The following SEM1 variants were observed in gnomAD, a reference collection of about 807,000 sequenced individuals.
SEM1 encodes SEM1 26S proteasome subunit.
Under a neutral mutation model 12.7 loss-of-function variants are expected in SEM1, and 3 were observed. The observed-to-expected ratio is 0.24, with a 90% CI of 0.11 to 0.61. The LOEUF (loss-of-function observed/expected upper bound fraction) is 0.61. Among genes scored for constraint, SEM1 ranks in the 20% least tolerant of loss-of-function variants. SEM1 has a pLI of 0.88. For synonymous variants in SEM1, 30 were observed against 27.8 expected (o/e 1.08, Z -0.25); for missense variants, 59 against 81.3 (o/e 0.73, Z 1.06).
At chr7:96,594,426 T>A (rs1806933951) in intron 2 of SEM1, among the ~76,000 whole-genome samples, 1 of 152,078 alleles carries the variant, frequency 6.6e-6, no homozygotes, top group Non-Finnish European at 1.5e-5. Context: ...AAAATTAGCT[T>A]GAAGCTCCTG....
At chr7:96,684,702 G>T (rs1302075051), downstream of SEM1, among the ~76,000 whole-genome samples, 32 of 152,092 alleles carry the variant, frequency 2.1e-4, 1 homozygote, top group Admixed American at 2.1e-3. Context: ...CTGGAGGAAA[G>T]ATCAGGTTTG....
intron 2 of SEM1, among the ~76,000 whole-genome samples, chr7:96,579,881 T>A (rs1806328478): frequency 6.6e-6 from 1 of 152,144 alleles, no homozygotes; most frequent in East Asian, 1.9e-4. Flanking sequence ...CTCTGTATTA[T>A]CTCTGCAACT....
chr7:96,636,682 A>G (rs1808437758), intron 2 of SEM1, among the ~76,000 whole-genome samples: 1 of 152,096 alleles, frequency 6.6e-6, no homozygotes, highest in Non-Finnish European at 1.5e-5. Context: ...TCTTGTGTCC[A>G]GTGCTCAAGT....
chr7:96,558,956 T>C (rs762488057), intron 2 of SEM1, among the ~76,000 whole-genome samples: 1 of 152,212 alleles, frequency 6.6e-6, no homozygotes, highest in Non-Finnish European at 1.5e-5. Flanking sequence ...ATATGTTAAA[T>C]GGATATAATA....
intron 2 of SEM1, among the ~76,000 whole-genome samples, chr7:96,526,748 A>G (rs1804476007): frequency 6.6e-6 from 1 of 152,046 alleles, no homozygotes; most frequent in African/African-American, 2.4e-5. Context: ...TTCTCCTTTC[A>G]GAGGGTGGCT....
exon 3 of SEM1, chr7:96,673,764 C>G: frequency 1.3e-6 from 1 of 765,282 alleles, no homozygotes; most frequent in Non-Finnish European, 2.4e-6. Flanking sequence ...GATCTGTTAA[C>G]AGCAGAGGAA....
chr7:96,577,993 G>T (rs1330443592), intron 2 of SEM1, among the ~76,000 whole-genome samples: 1 of 151,954 alleles, frequency 6.6e-6, no homozygotes, highest in African/African-American at 2.4e-5. Flanking sequence ...TTATTAAGAA[G>T]TAAAAGACTA....
At chr7:96,624,219 G>T (rs1807987692) in intron 2 of SEM1, among the ~76,000 whole-genome samples, 1 of 152,084 alleles carries the variant, frequency 6.6e-6, no homozygotes, top group African/African-American at 2.4e-5. Flanking sequence ...ACTTTTACGT[G>T]ACTCAATAAA....
chr7:96,642,124 C>T (rs148490032), intron 2 of SEM1, among the ~76,000 whole-genome samples: 26 of 152,162 alleles, frequency 1.7e-4, no homozygotes, highest in African/African-American at 5.8e-4. Flanking sequence ...CATAGCTCAA[C>T]AGGAGTAGTG....
intron 2 of SEM1, among the ~76,000 whole-genome samples, chr7:96,596,291 G>A (rs1806997373): frequency 6.6e-6 from 1 of 152,200 alleles, no homozygotes; most frequent in Non-Finnish European, 1.5e-5. Flanking sequence ...TCACATGGCA[G>A]TAATATATGG....
chr7:96,615,520 G>T (rs1290704400), intron 2 of SEM1, among the ~76,000 whole-genome samples: 1 of 152,092 alleles, frequency 6.6e-6, no homozygotes, highest in Non-Finnish European at 1.5e-5. Flanking sequence ...CTCCCAAAGT[G>T]CTGGGATTAC....
downstream of SEM1, among the ~76,000 whole-genome samples, chr7:96,686,775 A>T (rs1340140525): frequency 6.6e-6 from 1 of 152,230 alleles, no homozygotes; most frequent in East Asian, 1.9e-4. Flanking sequence ...AACAAAAGCC[A>T]AAATTGACAA....
chr7:96,543,124 T>TG (rs151306776), intron 2 of SEM1, among the ~76,000 whole-genome samples: 3,032 of 151,966 alleles, frequency 0.02, 106 homozygotes, highest in African/African-American at 0.068. Flanking sequence ...TCCACATTTG[T>TG]GGGTTCCACA....
chr7:96,567,063 G>A (rs1010503257), intron 2 of SEM1, among the ~76,000 whole-genome samples: 6 of 151,420 alleles, frequency 4.0e-5, no homozygotes, highest in East Asian at 1.9e-4. Flanking sequence ...CTAATGTCAC[G>A]TCAGAAATTT....
At chr7:96,668,654 A>G (rs954687766), downstream of SEM1, among the ~76,000 whole-genome samples, 19 of 152,196 alleles carry the variant, frequency 1.2e-4, no homozygotes, top group African/African-American at 4.3e-4. Flanking sequence ...TGGTTCTTCC[A>G]CTAACTCTCT....
chr7:96,697,788 G>A (rs1193647662), intron 1 of SEM1, among the ~76,000 whole-genome samples: 1 of 152,132 alleles, frequency 6.6e-6, no homozygotes, highest in Non-Finnish European at 1.5e-5. Context: ...TCATGAGTAT[G>A]ATAATGAAGC....
At chr7:96,488,939 A>C (rs952318060) in intron 1 of SEM1, among the ~76,000 whole-genome samples, 2 of 152,140 alleles carry the variant, frequency 1.3e-5, no homozygotes, top group Non-Finnish European at 2.9e-5. Context: ...TCAGGTATTC[A>C]GATTGCCCTC....
Position 96,600,065 on chromosome 7 carries a change from A to G in SEM1, c.171-93367T>C, listed in dbSNP as rs1807151450. On this transcript the variant is annotated intron_variant and NMD_transcript_variant, in intron 2 of 3. Transcript: ENST00000466986. ...TTTGGGGTGGGACAGAGAGTGCTTT[A>G]AAAATTAGTCTGGAACTTTAAAAAT... Among the ~76,000 whole-genome samples the G allele has an allele frequency of 2.6e-5, 4 of 152,216 alleles. No individual in the cohort carries two copies. In the South Asian group the frequency reaches 8.3e-4, roughly 32 times the overall value.
At chr7:96,508,402 G>C (rs936852252) in intron 2 of SEM1, among the ~76,000 whole-genome samples, 1 of 152,070 alleles carries the variant, frequency 6.6e-6, no homozygotes, top group Admixed American at 6.6e-5. Context: ...ACTTCTGGTG[G>C]CAGGGCAGGG....
Sources: gnomAD v4.1 joint callset for allele counts (sites outside exome capture counted in the v4.1 genomes callset) on GRCh38, gnomAD v4.1.1 for gene constraint, MANE v1.5 for transcripts, NCBI Gene and HGNC (gene_info 2026-07-23, HGNC 2026-07-21) for gene names.